DNAH11: variants seen among roughly 807,000 people sequenced by gnomAD.
DNAH11 encodes axonemal beta dynein heavy chain 11.
Under a neutral mutation model 526.0 loss-of-function variants are expected in DNAH11, and 442 were observed. The observed-to-expected ratio is 0.84, with a 90% CI of 0.78 to 0.91. The LOEUF is 0.91. Ranked by LOEUF, DNAH11 falls within the 40% of genes least tolerant of loss-of-function variation. The probability of loss-of-function intolerance (pLI) is 0.00; values close to 1 mark genes in which losing one functional copy is unlikely to be tolerated. For synonymous variants in DNAH11, 2,461 were observed against 1,935.9 expected, an observed-to-expected ratio of 1.27 and a Z score of -7.12; for missense variants, 6,989 against 5,448.7, an observed-to-expected ratio of 1.28 and a Z score of -8.90.
At position 21,599,929 on chromosome 7, in the gene DNAH11, A is replaced by G. The variant is rs779202047; in HGVS notation, c.2810A>G (p.Gln937Arg). The G allele has an allele frequency of 1.2e-6, 2 of 1,613,498 alleles. No individual in the cohort carries two copies. The highest frequency in any genetic ancestry group is 1.7e-6 in the Non-Finnish European group (2 of 1,179,666). ...LDFFLKNTEK[Q>R]LKPAPFFQAQ... ...TTCTTTCTGAAGAATACAGAGAAAC[A>G]ATTGAAACCGGCACCGTTTTTTCAA... The change falls in exon 15 of 82, where the codon CAA (glutamine) becomes CGA (arginine). Residue 937 changes from glutamine (Q) to arginine (R), a missense_variant. By Grantham distance (43) the Gln-to-Arg change is conservative. Transcript: ENST00000409508.
Position 21,789,808 on chromosome 7 carries a change from T to TCTTTCTTTCTTTC in DNAH11, c.10026+466_10026+467insCTTTCTTTCTTTC. On this transcript the variant is annotated intron_variant, in intron 61 of 81. Coordinates refer to ENST00000409508, the MANE Select transcript of DNAH11 (RefSeq NM_001277115.2). ...TTCTTTCTTTCTTTCTTTCTTTCTTTTTTCTTTCTTTCTTTCTTTCTTTCT... is the reference window on the plus strand; with the variant it reads ...TTCTTTCTTTCTTTCTTTCTTTCTTTCTTTCTTTCTTTCTTTCTTTCTTTCTTTCTTTCTTTCT... 3.0e-3 allele frequency among the ~76,000 whole-genome samples: 104 copies of TCTTTCTTTCTTTC among 34,116 alleles called. 1 individual carries two copies. The highest frequency in any genetic ancestry group is 7.2e-3 in the African/African-American group (91 of 12,658). 22.4% of individuals were successfully genotyped at this position (34,116 alleles called of 152,430 possible). A position where few individuals can be genotyped will look rare whatever the true frequency, so the allele number is the denominator to read the frequency against.
In DNAH11 at chr7:21,591,332, G is replaced by GA. The variant is rs759399219; in HGVS notation, c.2423dup (p.Asp808GlufsTer21). On this transcript the variant is annotated frameshift_variant, in exon 14 of 82. Transcript: ENST00000409508. LOFTEE classifies it high-confidence loss of function. Reference sequence around the variant, plus strand: ...CACAACGTGGCTGACATGGCAGGATGACTGCTGGGGCTACATCGAGAGGGT... The same window carrying GA: ...CACAACGTGGCTGACATGGCAGGATGAACTGCTGGGGCTACATCGAGAGGGT... 6.2e-7 allele frequency: 1 copy of GA among 1,613,802 alleles called. No individual in the cohort carries two copies. The highest frequency in any genetic ancestry group is 1.1e-5 in the South Asian group (1 of 91,074).
At chr7:21,814,044 T>C (rs1299608467) in intron 63 of DNAH11, among the ~76,000 whole-genome samples, 1 of 152,254 alleles carries the variant, frequency 6.6e-6, no homozygotes, top group Non-Finnish European at 1.5e-5. Flanking sequence ...CTATTGCTCC[T>C]AGGCTACAAA....
At chr7:21,900,374 A>G (rs1463603840) in intron 81 of DNAH11, among the ~76,000 whole-genome samples, 1 of 101,724 alleles carries the variant, frequency 9.8e-6, no homozygotes, top group Non-Finnish European at 2.5e-5. Context: ...ACTGAATAAC[A>G]TCATTAGACT....
chr7:21,675,809 A>C (rs1782856605), intron 30 of DNAH11, among the ~76,000 whole-genome samples: 1 of 152,222 alleles, frequency 6.6e-6, no homozygotes, highest in East Asian at 1.9e-4. Context: ...GAGGAGACAA[A>C]GAAATACATG....
In DNAH11 at chr7:21,785,056, A is replaced by T. The variant is rs2127986029; in HGVS notation, c.9597+516A>T. Among the ~76,000 whole-genome samples the T allele has an allele frequency of 1.3e-5, 2 of 152,270 alleles. 1 individual carries two copies. The highest frequency in any genetic ancestry group is 4.1e-4 in the South Asian group (2 of 4,824). On this transcript the variant is annotated intron_variant, in intron 58 of 81. Transcript: ENST00000409508. ...GTTCACATTCTTATAAGAGAAAGTA[A>T]GCTGTGTTCATCACTAGCATATTGT...
At chr7:21,551,389 G>T (rs1284336184) in intron 2 of DNAH11, among the ~76,000 whole-genome samples, 1 of 152,180 alleles carries the variant, frequency 6.6e-6, no homozygotes, top group Non-Finnish European at 1.5e-5. Context: ...GGAAGCAGGA[G>T]GCTTTCTAAA....
chr7:21,778,871 T>A, intron 56 of DNAH11, 87 bp from the exon 57 acceptor site: 6 of 1,480,522 alleles, frequency 4.1e-6, no homozygotes, highest in Middle Eastern at 2.1e-4. Flanking sequence ...TTGTTAGAGA[T>A]CCCTGAATTC....
intron 76 of DNAH11, 127 bp downstream of exon 76, chr7:21,884,537 ATT>A (rs771007676): frequency 1.5e-4 from 162 of 1,070,010 alleles, no homozygotes; most frequent in Non-Finnish European, 2.0e-4. Context: ...CTTTTGGGAA[ATT>A]TCTTAGAAAA....
chr7:21,650,708 C>G (rs1274419584), intron 28 of DNAH11, among the ~76,000 whole-genome samples: 1 of 151,720 alleles, frequency 6.6e-6, no homozygotes, highest in Non-Finnish European at 1.5e-5. Context: ...GGTGCAATCT[C>G]AGCTCACTGC....
intron 66 of DNAH11, among the ~76,000 whole-genome samples, chr7:21,846,764 A>T (rs1481372965): frequency 6.6e-6 from 1 of 152,118 alleles, no homozygotes; most frequent in African/African-American, 2.4e-5. Context: ...TCTATTTTCT[A>T]GAAAAAATGT....
Position 21,843,483 on chromosome 7 carries a change from T to TG in DNAH11, c.10896+735_10896+736insG, listed in dbSNP as rs1491117883. Among the ~76,000 whole-genome samples the TG allele has an allele frequency of 1.1e-3, 100 of 93,172 alleles. 2 individuals are homozygous for TG. The South Asian group carries it at 0.027, about 25-fold the overall frequency. 61.1% of individuals were successfully genotyped at this position (93,172 alleles called of 152,430 possible). ...GAATGCTATGCTCAGGTTTTTTTTGTTTTTTTTTTTTTTTTGAGACAGAGT... is the reference window on the plus strand; with the variant it reads ...GAATGCTATGCTCAGGTTTTTTTTGTGTTTTTTTTTTTTTTTGAGACAGAGT... On this transcript the variant is annotated intron_variant, in intron 66 of 81. Coordinates refer to ENST00000409508, the MANE Select transcript of DNAH11 (RefSeq NM_001277115.2).
intron 28 of DNAH11, among the ~76,000 whole-genome samples, chr7:21,641,531 G>T (rs995637428): frequency 6.6e-6 from 1 of 152,180 alleles, no homozygotes; most frequent in Non-Finnish European, 1.5e-5. Flanking sequence ...GTCCTAGTCT[G>T]TGCTAGAGGA....
chr7:21,678,050 T>G (rs1782974748), intron 30 of DNAH11, among the ~76,000 whole-genome samples: 1 of 152,168 alleles, frequency 6.6e-6, no homozygotes, highest in African/African-American at 2.4e-5. Context: ...TTTTTTCTGT[T>G]GATGTACAGA....
intron 54 of DNAH11, among the ~76,000 whole-genome samples, chr7:21,754,445 A>C (rs1786539468): frequency 6.6e-6 from 1 of 152,086 alleles, no homozygotes; most frequent in African/African-American, 2.4e-5. Context: ...GGCAGACCTT[A>C]CTGAAACTGA....
chr7:21,784,393 T>G, intron 57 of DNAH11, 34 bp from the exon 58 acceptor site: 1 of 1,496,968 alleles, frequency 6.7e-7, no homozygotes, highest in Non-Finnish European at 9.3e-7. Flanking sequence ...GATAATAATT[T>G]ATACGGGTTT....
chr7:21,787,244 G>A (rs975497380), intron 59 of DNAH11, among the ~76,000 whole-genome samples, 157 bp from the exon 60 acceptor site: 7 of 152,288 alleles, frequency 4.6e-5, no homozygotes, highest in Admixed American at 1.3e-4. Flanking sequence ...TTCTGACTTC[G>A]TACTATAAAG....
intron 62 of DNAH11, among the ~76,000 whole-genome samples, chr7:21,802,560 C>A (rs10226098): frequency 0.37 from 56,958 of 151,960 alleles, 11,447 homozygotes; most frequent in East Asian, 0.81. Flanking sequence ...AGAATAGAAA[C>A]AACCCACATG....
chr7:21,681,971 T>C (rs1334036129), intron 31 of DNAH11, among the ~76,000 whole-genome samples: 2 of 152,208 alleles, frequency 1.3e-5, no homozygotes, highest in Non-Finnish European at 2.9e-5. Context: ...TTCATCTCTC[T>C]GTGTGTGACC....
Sources: allele counts gnomAD v4.1 joint callset (sites outside exome capture counted in the v4.1 genomes callset), GRCh38; gene constraint gnomAD v4.1.1; transcripts MANE v1.5; gene names NCBI Gene and HGNC (gene_info 2026-07-23, HGNC 2026-07-21).